GSN: variants seen among roughly 807,000 people sequenced by gnomAD.
The protein encoded by GSN is gelsolin, also known as actin-depolymerizing factor.
GSN carries 56 observed loss-of-function variants against 85.7 expected under a neutral mutation model. The ratio of observed to expected loss-of-function variants is 0.65; its 90% CI spans 0.53 to 0.82. GSN has a LOEUF of 0.82. GSN is among the 40% of genes least tolerant of loss of function. GSN has a pLI of 0.00. For missense variants in GSN, 857 were observed against 979.8 expected (o/e 0.87, Z 1.67); for synonymous variants, 373 against 399.1 (o/e 0.93, Z 0.78).
At chr9:121,271,362 A>G (rs985079083) in intron 1 of GSN, among the ~76,000 whole-genome samples, 2 of 152,216 alleles carry the variant, frequency 1.3e-5, no homozygotes, top group Non-Finnish European at 2.9e-5. Context: ...AAAACAAAAA[A>G]AGAAAAGACA....
rs1000625882 is a variant in GSN at position 121,303,063 on chromosome 9, A to G, written c.349A>G (p.Lys117Glu). The change falls in exon 4 of 18, where the codon AAG becomes GAG. Residue 117 changes from lysine (K) to glutamate (E), a missense_variant and splice_region_variant. Lys to Glu is a moderately conservative substitution (Grantham distance 56, BLOSUM62 1). Coordinates refer to ENST00000432226, the MANE Select transcript of GSN (RefSeq NM_198252.3). Reference sequence around the variant, plus strand: ...CTACTTCAAGTCTGGCCTGAAGTACAAGGTGGGTTGGGCCCCACCTTGCTT... The same window carrying G: ...CTACTTCAAGTCTGGCCTGAAGTACGAGGTGGGTTGGGCCCCACCTTGCTT... ...LGYFKSGLKY[K>E]KGGVASGFKH... 2 of 1,613,276 alleles carry G rather than the reference A, an allele frequency of 1.2e-6. No individual in the cohort carries two copies.
intron 4 of GSN, among the ~76,000 whole-genome samples, chr9:121,213,730 T>C (rs1370825900): frequency 1.3e-5 from 2 of 152,144 alleles, no homozygotes; most frequent in African/African-American, 4.8e-5. Context: ...GATCAGCCCT[T>C]AGAGCCCCCA....
At chr9:121,246,179 G>T (rs1210311287) in intron 5 of GSN, among the ~76,000 whole-genome samples, 1 of 152,178 alleles carries the variant, frequency 6.6e-6, no homozygotes, top group Non-Finnish European at 1.5e-5. Flanking sequence ...AGTGGCAATT[G>T]TAAAAGCTGG....
intron 5 of GSN, among the ~76,000 whole-genome samples, chr9:121,243,072 G>A (rs2054636174): frequency 6.6e-6 from 1 of 152,136 alleles, no homozygotes; most frequent in South Asian, 2.1e-4. Flanking sequence ...TTAAAGTTCT[G>A]GAGTTCAGCA....
intron 4 of GSN, among the ~76,000 whole-genome samples, chr9:121,223,709 G>C (rs2054216055): frequency 6.6e-6 from 1 of 152,098 alleles, no homozygotes; most frequent in African/African-American, 2.4e-5. Flanking sequence ...GTCTAGGCTG[G>C]AGTGCGGTGG....
intron 11 of GSN, among the ~76,000 whole-genome samples, chr9:121,323,371 G>GTTTTTTTTTT (rs59056849): frequency 1.7e-5 from 2 of 117,748 alleles, no homozygotes; most frequent in African/African-American, 3.2e-5. Context: ...TCCCATTACC[G>GTTTTTTTTTT]TTTTTTTTTT....
chr9:121,204,262 C>T (rs918595047), upstream of GSN, among the ~76,000 whole-genome samples: 4 of 152,312 alleles, frequency 2.6e-5, no homozygotes, highest in South Asian at 2.1e-4. Context: ...GATCTAAAGT[C>T]GTTTAGGTGA....
chr9:121,202,524 A>G, the GSN span, among the ~76,000 whole-genome samples: 34 of 152,224 alleles, frequency 2.2e-4, no homozygotes, highest in Non-Finnish European at 4.4e-4. Context: ...GGGTGAGAGA[A>G]ATGTGATATT....
chr9:121,327,644 G>A (rs1227851621), intron 14 of GSN, among the ~76,000 whole-genome samples, 162 bp downstream of exon 14: 1 of 152,222 alleles, frequency 6.6e-6, no homozygotes, highest in African/African-American at 2.4e-5. Flanking sequence ...AATGAGGGCT[G>A]TGGCCAGAGA....
chr9:121,312,237 C>A, intron 5 of GSN, 102 bp from the exon 6 acceptor site: 1 of 1,258,484 alleles, frequency 7.9e-7, no homozygotes, highest in Non-Finnish European at 1.2e-6. Flanking sequence ...AAGTGCAGAA[C>A]AGGGTGAGCC....
intron 6 of GSN, among the ~76,000 whole-genome samples, chr9:121,260,295 G>A (rs1294143420): frequency 2.6e-5 from 4 of 152,268 alleles, no homozygotes; most frequent in African/African-American, 9.6e-5. Context: ...CATTCAGGAG[G>A]AGAGGAAATC....
intron 2 of GSN, among the ~76,000 whole-genome samples, chr9:121,294,278 TG>T (rs2058999406): frequency 6.6e-6 from 1 of 152,162 alleles, no homozygotes; most frequent in African/African-American, 2.4e-5. Flanking sequence ...CGTTTGTGCC[TG>T]GGCTTCCCAG....
chr9:121,261,210 T>C lies in GSN; in HGVS notation c.-340-3944T>C, dbSNP rs1027043774. Among the ~76,000 whole-genome samples, 6 of 152,238 alleles carry C rather than the reference T, an allele frequency of 3.9e-5. No homozygotes were observed. Among genetic ancestry groups the C allele is most frequent in the Non-Finnish European group, 5.9e-5 (4 of 68,042 alleles). On this transcript the variant is annotated intron_variant, in intron 6 of 24. Transcript: ENST00000373823. This position sits in a 1 kb window ranked among gnomAD's most constrained non-coding sequence, Gnocchi z 4.1. ...AGCCCAGAAGAGTGGGGCTGGGCTT[T>C]CAGAAACAGCTGGGCTGATTCATCT...
chr9:121,233,953 T>C (rs1477309082), intron 5 of GSN, among the ~76,000 whole-genome samples: 4 of 152,172 alleles, frequency 2.6e-5, no homozygotes, highest in Non-Finnish European at 5.9e-5. Context: ...ATCGAAAGTT[T>C]CTTTCTCTCA....
In GSN at chr9:121,251,187, C is replaced by CTTTTTTTTTTTTTTTTTTTTTT; in HGVS notation, c.-341+2877_-341+2878insTTTTTTTTTTTTTTTTTTTTTT. The stretch of plus-strand genomic sequence containing the variant: ...ATAACATACCTACAGCTGATGTGTT[C>CTTTTTTTTTTTTTTTTTTTTTT]TTTTTTTTTTTTTGAGATGGATTCT... On this transcript the variant is annotated intron_variant, in intron 6 of 24. Transcript: ENST00000373823. Among the ~76,000 whole-genome samples, 238 of 73,022 alleles carry CTTTTTTTTTTTTTTTTTTTTTT rather than the reference C, an allele frequency of 3.3e-3. 51 individuals are homozygous for CTTTTTTTTTTTTTTTTTTTTTT. Among genetic ancestry groups the CTTTTTTTTTTTTTTTTTTTTTT allele is most frequent in the Non-Finnish European group, 3.6e-3 (162 of 44,682 alleles). The allele number at this position is 73,022 out of a possible 152,430, so 47.9% of individuals were successfully genotyped here.
rs913798248 is a variant in GSN at position 121,262,000 on chromosome 9, ATTAC to A, written c.-340-3151_-340-3148del. On this transcript the variant is annotated intron_variant, in intron 6 of 24. Transcript: ENST00000373823. This position sits in a 1 kb window ranked among gnomAD's most constrained non-coding sequence, Gnocchi z 4.1. ...TGGGTGTGTTTAAGGGATTTTATGA[ATTAC>A]TTTTTGTTTCTAAAGCACAGCAGTT... is the stretch of plus-strand genomic sequence containing the variant. Among the ~76,000 whole-genome samples the A allele has an allele frequency of 2.0e-5, 3 of 152,120 alleles. No homozygotes were observed. The highest frequency in any genetic ancestry group is 2.9e-5 in the Non-Finnish European group (2 of 68,020).
chr9:121,254,577 T>G (rs1564360406), intron 6 of GSN, among the ~76,000 whole-genome samples: 1 of 152,210 alleles, frequency 6.6e-6, no homozygotes, highest in Non-Finnish European at 1.5e-5. Context: ...GACCAGGCTC[T>G]GGTCTTTGGC....
rs2063654044 is a variant in GSN, at chr9:121,329,528, C to T, written c.1965+213C>T. On this transcript the variant is annotated intron_variant, in intron 16 of 17. Transcript: ENST00000432226. This position sits in a 1 kb window ranked among gnomAD's most constrained non-coding sequence, Gnocchi z 4.6. ...TGGCGGTACCTCCCTTGCAGATACACTCACCTTGAAAGCTGCAAAACGCCC... is the reference window on the plus strand; with the variant it reads ...TGGCGGTACCTCCCTTGCAGATACATTCACCTTGAAAGCTGCAAAACGCCC... 6.6e-6 allele frequency among the ~76,000 whole-genome samples: 1 copy of T among 152,214 alleles called. No individual in the cohort carries two copies. Among genetic ancestry groups the T allele is most frequent in the African/African-American group, 2.4e-5 (1 of 41,454 alleles).
chr9:121,305,035 C>T (rs769720965), intron 4 of GSN, among the ~76,000 whole-genome samples: 8 of 152,294 alleles, frequency 5.3e-5, no homozygotes, highest in East Asian at 1.9e-4. Context: ...TTGTCCTAGT[C>T]ACTGTTTCTT....
Sources: allele counts gnomAD v4.1 joint callset (sites outside exome capture counted in the v4.1 genomes callset), GRCh38; gene constraint gnomAD v4.1.1; non-coding constraint Gnocchi (gnomAD v3.1); transcripts MANE v1.5; gene names NCBI Gene and HGNC (gene_info 2026-07-23, HGNC 2026-07-21).